SMG6: variants seen among roughly 807,000 people sequenced by gnomAD.
SMG6 encodes SMG6 nonsense mediated mRNA decay factor.
SMG6 carries 66 observed loss-of-function variants against 142.2 expected under a neutral mutation model. The ratio of observed to expected loss-of-function variants is 0.46; its 90% CI spans 0.38 to 0.57. The LOEUF is 0.57. Ranked by LOEUF, SMG6 falls within the 20% of genes least tolerant of loss-of-function variation. SMG6 has a pLI of 0.00. For missense variants in SMG6, 1,793 were observed against 1,832.0 expected, an observed-to-expected ratio of 0.98 and a Z score of 0.39; for synonymous variants, 779 against 702.4, an observed-to-expected ratio of 1.11 and a Z score of -1.72.
rs966231651 is a variant in SMG6 at position 2,249,084 on chromosome 17, G to A, written c.2662-4365C>T. ...TTTTTTTTGTATTTTCAGTAGAGAT[G>A]GGGTTTCACCGTGTTAGCCAGGATG... is the stretch of plus-strand genomic sequence containing the variant. On this transcript the variant is annotated intron_variant, in intron 8 of 18. Coordinates refer to ENST00000263073, the MANE Select transcript of SMG6 (RefSeq NM_017575.5). Among the ~76,000 whole-genome samples the A allele has an allele frequency of 5.9e-5, 9 of 151,270 alleles. No individual in the cohort carries two copies. The South Asian group carries it at 8.4e-4, about 14-fold the overall frequency.
intron 15 of SMG6, among the ~76,000 whole-genome samples, chr17:2,081,001 A>G (rs1159441989): frequency 6.6e-6 from 1 of 152,166 alleles, no homozygotes; most frequent in African/African-American, 2.4e-5. Flanking sequence ...CATGTTACAA[A>G]GCTATTTAGG....
At chr17:2,166,546 G>A (rs938147743) in intron 13 of SMG6, among the ~76,000 whole-genome samples, 6 of 152,120 alleles carry the variant, frequency 3.9e-5, no homozygotes, top group East Asian at 3.9e-4. Context: ...CAGCCTAGAC[G>A]GCCAGGGCTG....
rs1597519266 is a variant in SMG6 at position 2,172,999 on chromosome 17, T to C, written c.3156-140A>G. 7.6e-6 allele frequency: 6 copies of C among 786,714 alleles called. No homozygotes were observed. In the South Asian group the frequency reaches 1.0e-4, roughly 14 times the overall value. The allele number at this position is 786,714 out of a possible 1,614,324, so 48.7% of individuals were successfully genotyped here. A position where few individuals can be genotyped will look rare whatever the true frequency, so the allele number is the denominator to read the frequency against. ...CTGCCAGGAAATCATACCCCAAAAA[T>C]GCTAGGAAACAAAACTGTGCCCAAG... On this transcript the variant is annotated intron_variant, in intron 12 of 18. Transcript: ENST00000263073.
chr17:2,276,633 A>C (rs1481074013), intron 8 of SMG6, among the ~76,000 whole-genome samples: 1 of 152,042 alleles, frequency 6.6e-6, no homozygotes, highest in East Asian at 1.9e-4. Flanking sequence ...TGATCCACCC[A>C]CCTCGGTCTC....
intron 10 of SMG6, among the ~76,000 whole-genome samples, chr17:2,224,379 G>C (rs754903476): frequency 3.3e-5 from 5 of 151,822 alleles, no homozygotes; most frequent in Non-Finnish European, 7.4e-5. Flanking sequence ...AAGTATATTT[G>C]GGAAATAAGA....
chr17:2,101,958 T>G (rs2069019438), intron 13 of SMG6, among the ~76,000 whole-genome samples: 5 of 132,656 alleles, frequency 3.8e-5, no homozygotes, highest in Admixed American at 3.6e-4. Flanking sequence ...GCCTGGAAAT[T>G]CACAGAAGAA....
intron 15 of SMG6, among the ~76,000 whole-genome samples, chr17:2,077,425 T>G (rs1427275421): frequency 6.6e-6 from 1 of 151,938 alleles, no homozygotes; most frequent in African/African-American, 2.4e-5. Flanking sequence ...ATCTGGGGAT[T>G]GAAGGAGGAA....
At chr17:2,230,338 G>T (rs1319008482) in intron 10 of SMG6, among the ~76,000 whole-genome samples, 1 of 10,602 alleles carries the variant, frequency 9.4e-5, no homozygotes, top group East Asian at 2.8e-3. Flanking sequence ...AAAAAAAAAG[G>T]GAAAACCACA....
intron 10 of SMG6, among the ~76,000 whole-genome samples, chr17:2,211,505 A>T (rs1043337664): frequency 1.5e-4 from 23 of 152,054 alleles, no homozygotes; most frequent in Admixed American, 5.2e-4. Flanking sequence ...TCTACTAAAA[A>T]CACAAAAAAT....
chr17:2,148,414 G>C (rs536108934), intron 13 of SMG6, among the ~76,000 whole-genome samples: 29 of 152,332 alleles, frequency 1.9e-4, no homozygotes, highest in South Asian at 6.2e-4. Context: ...GCATACAACA[G>C]AATATTATTC....
intron 13 of SMG6, among the ~76,000 whole-genome samples, chr17:2,113,040 G>A (rs911781448): frequency 4.0e-5 from 6 of 151,698 alleles, no homozygotes; most frequent in African/African-American, 1.5e-4. Flanking sequence ...TTACAGGTGT[G>A]AGCCACTGTT....
chr17:2,151,916 T>C (rs1239283029), intron 13 of SMG6, among the ~76,000 whole-genome samples: 2 of 152,212 alleles, frequency 1.3e-5, no homozygotes, highest in Non-Finnish European at 2.9e-5. Flanking sequence ...GCTCTGCCGA[T>C]GGTTGTTTGG....
At chr17:2,082,437 G>A (rs984296980) in intron 14 of SMG6, 10 of 161,914 alleles carry the variant, frequency 6.2e-5, no homozygotes, top group African/African-American at 1.9e-4. Context: ...TTCCCTTGCC[G>A]CAGACAGCAT....
intron 13 of SMG6, among the ~76,000 whole-genome samples, chr17:2,131,319 G>A (rs536337653): frequency 6.7e-6 from 1 of 149,478 alleles, no homozygotes; most frequent in African/African-American, 2.5e-5. Flanking sequence ...TTTTTGAGAC[G>A]GAGTCTTGCT....
At chr17:2,243,800 T>C (rs757555531) in intron 9 of SMG6, among the ~76,000 whole-genome samples, 11 of 152,160 alleles carry the variant, frequency 7.2e-5, no homozygotes, top group Non-Finnish European at 1.2e-4. Context: ...AAAGGGTAGC[T>C]CACAATACAA....
intron 13 of SMG6, among the ~76,000 whole-genome samples, chr17:2,162,517 GAAAAAAAA>G (rs56092903): frequency 0.029 from 1,736 of 60,662 alleles, 52 homozygotes; most frequent in African/African-American, 0.1. Context: ...CCCCATCTCA[GAAAAAAAA>G]AAAAAAAAAA....
intron 8 of SMG6, among the ~76,000 whole-genome samples, chr17:2,281,901 C>T (rs1477748477): frequency 6.6e-6 from 1 of 152,152 alleles, no homozygotes; most frequent in East Asian, 1.9e-4. Flanking sequence ...CACTTTACCA[C>T]CTCCCTTTCC....
At position 2,071,411 on chromosome 17, in the gene SMG6, G is replaced by C. The variant is rs915497804; in HGVS notation, c.3682-2480C>G. Among the ~76,000 whole-genome samples the C allele has an allele frequency of 1.3e-5, 2 of 152,226 alleles. No homozygotes were observed. On this transcript the variant is annotated intron_variant, in intron 15 of 18. Transcript: ENST00000263073. The surrounding 1 kb of genome is among the most constrained non-coding windows in gnomAD (Gnocchi z 5.6). Reference sequence around the variant, plus strand: ...AGCCTACCTGTGTGTTCTGATGGCAGGACAGAAGAAAAATCTAGAAGCGAG... The same window carrying C: ...AGCCTACCTGTGTGTTCTGATGGCACGACAGAAGAAAAATCTAGAAGCGAG...
intron 13 of SMG6, among the ~76,000 whole-genome samples, chr17:2,167,946 G>A (rs1284612733): frequency 6.6e-6 from 1 of 151,908 alleles, no homozygotes; most frequent in African/African-American, 2.4e-5. Flanking sequence ...CAATCATAAT[G>A]AGCACCAAAC....
Sources: gnomAD v4.1 joint callset for allele counts (sites outside exome capture counted in the v4.1 genomes callset) on GRCh38, gnomAD v4.1.1 for gene constraint, Gnocchi (gnomAD v3.1) non-coding constraint, MANE v1.5 for transcripts, NCBI Gene and HGNC (gene_info 2026-07-23, HGNC 2026-07-21) for gene names.